The following SCTR variants were observed in gnomAD, a reference collection of about 807,000 sequenced individuals.
SCTR encodes secretin receptor, also known as pancreatic secretin receptor.
In SCTR, 56 loss-of-function variants were observed where a neutral mutation model predicts 60.8. That is an observed-to-expected ratio of 0.92 (90% CI 0.74 to 1.15). The LOEUF (loss-of-function observed/expected upper bound fraction) is 1.15, where lower values mean the gene tolerates loss of function less well. Ranked by LOEUF, SCTR falls within the 50% of genes most tolerant of loss-of-function variation. SCTR has a pLI of 0.00. For synonymous variants in SCTR, 202 were observed against 217.0 expected (o/e 0.93, Z 0.61); for missense variants, 562 against 550.4 (o/e 1.02, Z -0.21).
intron 1 of SCTR, among the ~76,000 whole-genome samples, chr2:119,520,379 GTT>G (rs1368649392): frequency 6.6e-6 from 1 of 152,160 alleles, no homozygotes; most frequent in Admixed American, 6.5e-5. Context: ...GGTGTCTGTA[GTT>G]TCAGCTGCTT....
At chr2:119,512,911 A>G (rs537325006) in intron 1 of SCTR, among the ~76,000 whole-genome samples, 1 of 152,140 alleles carries the variant, frequency 6.6e-6, no homozygotes, top group Non-Finnish European at 1.5e-5. Context: ...CCTCTTGTCT[A>G]CATGATCTGT....
At chr2:119,441,462 C>T (rs373538379) in intron 12 of SCTR, 96 bp downstream of exon 12, 1 of 969,904 alleles carries the variant, frequency 1.0e-6, no homozygotes, top group Non-Finnish European at 1.6e-6. Flanking sequence ...CCCTTTCCAT[C>T]CCCCTTCCTA....
intron 11 of SCTR, among the ~76,000 whole-genome samples, chr2:119,444,442 T>C (rs1470001620): frequency 2.6e-5 from 3 of 116,556 alleles, no homozygotes; most frequent in Non-Finnish European, 5.1e-5. Flanking sequence ...TATACACATA[T>C]ATATACGTAC....
chr2:119,441,337 A>C (rs1273473648), intron 12 of SCTR, among the ~76,000 whole-genome samples: 1 of 152,206 alleles, frequency 6.6e-6, no homozygotes, highest in Non-Finnish European at 1.5e-5. Flanking sequence ...GTGGAATGAG[A>C]AACTAGGAAC....
Position 119,448,695 on chromosome 2 carries a change from T to C in SCTR, c.1007A>G (p.His336Arg). ...TQETRGNEVS[H>R]YKRLARSTLL... ...GTCTTTGCCCTTCACTTACTTATAA[T>C]GGCTGACTTCATTTCCTCTTGTTTC... is the stretch of plus-strand genomic sequence containing the variant. Residue 336 changes from histidine to arginine, a missense_variant, in exon 10 of 13, where the codon CAT becomes CGT. Coordinates refer to ENST00000019103, the MANE Select transcript of SCTR (RefSeq NM_002980.3). 1 of 1,570,972 alleles carries C rather than the reference T, an allele frequency of 6.4e-7. No homozygotes were observed.
rs568672548 is a variant in SCTR, at chr2:119,443,244, A to G, written c.1141-1645T>C. 4.6e-5 allele frequency among the ~76,000 whole-genome samples: 7 copies of G among 152,352 alleles called. No homozygotes were observed. The South Asian group carries it at 1.4e-3, about 32-fold the overall frequency. ...TAATTTCCACCGTGATTCTGCGATC[A>G]TTAAGGATGAAGACTTTGAAGAATT... On this transcript the variant is annotated intron_variant, in intron 11 of 12. Coordinates refer to ENST00000019103, the MANE Select transcript of SCTR (RefSeq NM_002980.3).
In SCTR at chr2:119,494,532, C is replaced by T. The variant is rs953371261; in HGVS notation, c.89G>A (p.Arg30Gln). 4.3e-6 allele frequency: 7 copies of T among 1,613,872 alleles called. No individual in the cohort carries two copies. The East Asian group carries it at 8.9e-5, about 21-fold the overall frequency. The change falls in exon 2 of 13, where the codon CGA becomes CAA. Residue 30 changes from arginine to glutamine, a missense_variant. Transcript: ENST00000019103. ...CAAHSTGALP[R>Q]LCDVLQVLWE... ...CAGCACTTGTAGCACGTCACATAGT[C>T]GGGGAAGGGCTCCAGTCTGCAAGTC... is the stretch of plus-strand genomic sequence containing the variant.
At chr2:119,454,586 G>A (rs1013903114) in intron 7 of SCTR, among the ~76,000 whole-genome samples, 6 of 152,212 alleles carry the variant, frequency 3.9e-5, no homozygotes, top group Admixed American at 3.9e-4. Flanking sequence ...AGACGCGGTG[G>A]TTCATGCCTG....
chr2:119,442,566 C>CA (rs1237331741), intron 11 of SCTR, among the ~76,000 whole-genome samples: 6 of 152,230 alleles, frequency 3.9e-5, no homozygotes, highest in Admixed American at 1.3e-4. Flanking sequence ...TTAATATGTA[C>CA]AACTTCTCAG....
At chr2:119,444,166 CAT>C (rs1270366758) in intron 11 of SCTR, among the ~76,000 whole-genome samples, 3 of 140,546 alleles carry the variant, frequency 2.1e-5, no homozygotes, top group Non-Finnish European at 4.5e-5. Context: ...TATATATACA[CAT>C]ATGTATATAT....
chr2:119,519,575 GGT>G (rs1243630234), intron 1 of SCTR, among the ~76,000 whole-genome samples: 6 of 151,968 alleles, frequency 3.9e-5, no homozygotes, highest in Non-Finnish European at 8.8e-5. Context: ...GGGAGGCCAA[GGT>G]GGGTGGATCA....
chr2:119,477,025 A>T (rs1284994851), intron 3 of SCTR: 5 of 152,320 alleles, frequency 3.3e-5, no homozygotes, highest in African/African-American at 1.2e-4. Context: ...AAAGGAAAAG[A>T]AGGGAGAGGA....
At chr2:119,445,296 G>A (rs567274970) in intron 11 of SCTR, among the ~76,000 whole-genome samples, 27 of 152,174 alleles carry the variant, frequency 1.8e-4, no homozygotes, top group Non-Finnish European at 3.1e-4. Flanking sequence ...CTCCCTGGAC[G>A]TTACAAGAGC....
At chr2:119,490,416 C>T (rs1257220500) in intron 2 of SCTR, among the ~76,000 whole-genome samples, 1 of 152,210 alleles carries the variant, frequency 6.6e-6, no homozygotes, top group Non-Finnish European at 1.5e-5. Context: ...GTTCTCTTCC[C>T]TTCCCGCTCC....
At chr2:119,490,266 G>A (rs1484307111) in intron 2 of SCTR, among the ~76,000 whole-genome samples, 3 of 152,226 alleles carry the variant, frequency 2.0e-5, no homozygotes, top group Non-Finnish European at 4.4e-5. Context: ...CCTGTCCCTT[G>A]CGCAGTGGCC....
Position 119,494,440 on chromosome 2 carries a change from G to A in SCTR, c.181C>T (p.Gln61Ter), listed in dbSNP as rs200497817. 6.7e-5 allele frequency: 108 copies of A among 1,613,600 alleles called. 2 individuals carry two copies. The highest frequency in any genetic ancestry group is 4.9e-4 in the Middle Eastern group (3 of 6,080). ...GCAAGCCTCATACCTGGCACTGGCT[G>A]CTCCGTGCCCAGGTCTCCTGTCTGC... is the stretch of plus-strand genomic sequence containing the variant. ...REQTGDLGTE[Q>*]PVPGCEGMWD... Residue 61 changes from glutamine (Q) to a stop codon, truncating the protein, a stop_gained, in exon 2 of 13, where the codon CAG (glutamine) becomes TAG (stop). Coordinates refer to ENST00000019103, the MANE Select transcript of SCTR (RefSeq NM_002980.3). LOFTEE classifies it high-confidence loss of function.
At position 119,478,800 on chromosome 2, in the gene SCTR, C is replaced by T. The variant is rs762753248; in HGVS notation, c.301+11G>A. ...AGCCTGTCCGCCAGGCCCCATGGGC[C>T]GAGTGGTTACCATTTCTGCTGGTGA... On this transcript the variant is annotated intron_variant, in intron 3 of 12. Coordinates refer to ENST00000019103, the MANE Select transcript of SCTR (RefSeq NM_002980.3). 2 of 1,613,924 alleles carry T rather than the reference C, an allele frequency of 1.2e-6. No homozygotes were observed. The highest frequency in any genetic ancestry group is 1.7e-6 in the Non-Finnish European group (2 of 1,179,874).
chr2:119,478,882 G>A lies in SCTR; in HGVS notation c.230C>T (p.Pro77Leu). ...EGMWDNISCW[P>L]SSVPGRMVEV... ...CACCATCCGGCCCGGCACAGAAGAG[G>A]GCCAGCAGCTTATGTTGTCCCACAT... The change falls in exon 3 of 13, where the codon CCC (proline) becomes CTC (leucine). Residue 77 changes from proline to leucine, a missense_variant. By Grantham distance (98) the Pro-to-Leu change is moderately conservative. Coordinates refer to ENST00000019103, the MANE Select transcript of SCTR (RefSeq NM_002980.3). 1.2e-6 allele frequency: 2 copies of A among 1,614,132 alleles called. No homozygotes were observed. Among genetic ancestry groups the A allele is most frequent in the East Asian group, 2.2e-5 (1 of 44,872 alleles).
At chr2:119,522,133 A>G (rs906167835) in intron 1 of SCTR, among the ~76,000 whole-genome samples, 1 of 152,138 alleles carries the variant, frequency 6.6e-6, no homozygotes, top group Non-Finnish European at 1.5e-5. Context: ...CATCTCTACT[A>G]AAAATACAAA....
Sources: gnomAD v4.1 joint callset for allele counts (sites outside exome capture counted in the v4.1 genomes callset) on GRCh38, gnomAD v4.1.1 for gene constraint, MANE v1.5 for transcripts, NCBI Gene and HGNC (gene_info 2026-07-23, HGNC 2026-07-21) for gene names.